The following OXCT1 variants were observed in gnomAD, a reference collection of about 807,000 sequenced individuals.
OXCT1 encodes succinyl-CoA:3-ketoacid coenzyme A transferase 1, mitochondrial.
A neutral mutation model predicts 69.6 loss-of-function variants in OXCT1; 27 were observed. That is an observed-to-expected ratio of 0.39 (90% CI 0.29 to 0.54). OXCT1 has a LOEUF of 0.54. OXCT1 is among the 20% of genes least tolerant of loss of function. OXCT1 has a pLI of 0.72. For missense variants in OXCT1, 437 were observed against 650.2 expected (o/e 0.67, Z 3.57); for synonymous variants, 202 against 217.8 (o/e 0.93, Z 0.64).
chr5:41,831,629 C>T (rs921721187), intron 7 of OXCT1, among the ~76,000 whole-genome samples: 1 of 152,050 alleles, frequency 6.6e-6, no homozygotes, highest in Admixed American at 6.6e-5. Context: ...AGTGAACTTT[C>T]CTTAAACTAT....
chr5:41,772,311 CTT>C (rs1744906450), intron 13 of OXCT1, among the ~76,000 whole-genome samples: 1 of 150,614 alleles, frequency 6.6e-6, no homozygotes, highest in Non-Finnish European at 1.5e-5. Context: ...CACAATTAGA[CTT>C]AATGTAATTA....
chr5:41,745,291 C>T (rs1743414504), intron 15 of OXCT1, among the ~76,000 whole-genome samples: 1 of 152,098 alleles, frequency 6.6e-6, no homozygotes, highest in Non-Finnish European at 1.5e-5. Flanking sequence ...CAACCTGCTC[C>T]TGAATGACTA....
chr5:41,767,114 A>G (rs1039351483), intron 13 of OXCT1, among the ~76,000 whole-genome samples: 30 of 152,218 alleles, frequency 2.0e-4, no homozygotes, highest in African/African-American at 7.2e-4. Context: ...AGATAACATT[A>G]ATTTAAACAT....
At chr5:41,805,361 C>T (rs1297073907) in intron 9 of OXCT1, among the ~76,000 whole-genome samples, 1 of 150,300 alleles carries the variant, frequency 6.7e-6, no homozygotes, top group African/African-American at 2.5e-5. Flanking sequence ...CATTTTGTTT[C>T]AAGAAGGCAA....
intron 7 of OXCT1, among the ~76,000 whole-genome samples, chr5:41,809,621 G>T (rs1009387993): frequency 1.3e-5 from 2 of 151,724 alleles, no homozygotes; most frequent in African/African-American, 4.8e-5. Flanking sequence ...TTACCCTCTA[G>T]CAGGGGCAAA....
At chr5:41,812,897 T>C (rs150219512) in intron 7 of OXCT1, among the ~76,000 whole-genome samples, 67 of 151,908 alleles carry the variant, frequency 4.4e-4, no homozygotes, top group African/African-American at 1.5e-3. Context: ...AAGCGAAAAA[T>C]GGTAGAAGTG....
chr5:41,778,459 G>T (rs973425028), intron 13 of OXCT1, among the ~76,000 whole-genome samples: 16 of 152,168 alleles, frequency 1.1e-4, no homozygotes, highest in African/African-American at 3.9e-4. Flanking sequence ...GTCTGGAGAT[G>T]GAAAACGCAT....
intron 3 of OXCT1, among the ~76,000 whole-genome samples, chr5:41,855,462 A>T (rs972592766): frequency 2.6e-5 from 4 of 152,216 alleles, no homozygotes; most frequent in Non-Finnish European, 5.9e-5. Flanking sequence ...AAATGTAGTG[A>T]TAAGGACCAG....
intron 15 of OXCT1, among the ~76,000 whole-genome samples, chr5:41,741,511 C>A (rs1004493612): frequency 6.6e-6 from 1 of 152,144 alleles, no homozygotes; most frequent in Admixed American, 6.5e-5. Flanking sequence ...ATACTCTGAG[C>A]ACCATCCCTG....
intron 15 of OXCT1, among the ~76,000 whole-genome samples, chr5:41,741,080 A>G (rs568595216): frequency 3.4e-4 from 52 of 151,702 alleles, no homozygotes; most frequent in African/African-American, 1.2e-3. Context: ...CCTCCTGAGT[A>G]GCTGGGATTA....
chr5:41,838,428 A>G (rs1374414105), intron 7 of OXCT1, among the ~76,000 whole-genome samples: 1 of 152,132 alleles, frequency 6.6e-6, no homozygotes, highest in Non-Finnish European at 1.5e-5. Context: ...CAATAATCCT[A>G]TAGTCCAAAG....
At chr5:41,796,788 A>G (rs1746204729) in intron 11 of OXCT1, among the ~76,000 whole-genome samples, 1 of 152,230 alleles carries the variant, frequency 6.6e-6, no homozygotes, top group African/African-American at 2.4e-5. Flanking sequence ...GATAATGCAT[A>G]CAAAGTCCTT....
chr5:41,816,980 T>C (rs552657741), intron 7 of OXCT1, among the ~76,000 whole-genome samples: 1 of 152,278 alleles, frequency 6.6e-6, no homozygotes, highest in African/African-American at 2.4e-5. Context: ...TAGTTGACAA[T>C]AGCCATCATT....
At chr5:41,818,542 T>G (rs1335295749) in intron 7 of OXCT1, among the ~76,000 whole-genome samples, 2 of 152,140 alleles carry the variant, frequency 1.3e-5, no homozygotes, top group African/African-American at 4.8e-5. Flanking sequence ...ACAAGAGAGT[T>G]CACTTTAGCT....
intron 8 of OXCT1, among the ~76,000 whole-genome samples, chr5:41,806,521 C>T (rs2112276106): frequency 6.6e-6 from 1 of 152,146 alleles, no homozygotes; most frequent in Non-Finnish European, 1.5e-5. Context: ...GATGCAGATC[C>T]CTTATGAATT....
intron 7 of OXCT1, among the ~76,000 whole-genome samples, chr5:41,814,121 C>G (rs949896124): frequency 1.4e-5 from 2 of 145,664 alleles, no homozygotes; most frequent in Non-Finnish European, 3.1e-5. Context: ...TATTTTAAAT[C>G]ATCTTTGGGA....
chr5:41,786,989 G>A (rs535489345), intron 13 of OXCT1, among the ~76,000 whole-genome samples: 31 of 152,222 alleles, frequency 2.0e-4, no homozygotes, highest in South Asian at 8.3e-4. Flanking sequence ...AGTAAGGTAC[G>A]GCTGCCCCTT....
At chr5:41,749,082 C>CATT (rs937920554) in intron 15 of OXCT1, among the ~76,000 whole-genome samples, 1 of 152,042 alleles carries the variant, frequency 6.6e-6, no homozygotes, top group African/African-American at 2.4e-5. Flanking sequence ...AAACAGAATA[C>CATT]ATTTCTTGGC....
In OXCT1 at chr5:41,749,555, T is replaced by C. The variant is rs1259996560; in HGVS notation, c.1391A>G (p.Gln464Arg). ...EKCTLPLTGK[Q>R]CVNRIITEKA... Reference sequence around the variant, plus strand: ...TTCAGTAATAATGCGGTTGACACATTGCTTTCCAGTCAATGGTAATGTACA... The same window carrying C: ...TTCAGTAATAATGCGGTTGACACATCGCTTTCCAGTCAATGGTAATGTACA... The change falls in exon 15 of 17, where the codon CAA becomes CGA. Residue 464 changes from glutamine (Q) to arginine (R), a missense_variant. Around this residue, in one of 4 missense-constraint regions of OXCT1, gnomAD observed 102 missense variants for 162.1 expected, o/e 0.63. Transcript: ENST00000196371. 7 of 1,609,044 alleles carry C rather than the reference T, an allele frequency of 4.4e-6. No individual in the cohort carries two copies. The highest frequency in any genetic ancestry group is 6.0e-6 in the Non-Finnish European group (7 of 1,176,296).
Sources: gnomAD v4.1 joint callset for allele counts (sites outside exome capture counted in the v4.1 genomes callset) on GRCh38, gnomAD v4.1.1 for gene constraint, gnomAD v4.1.1 regional missense constraint, MANE v1.5 for transcripts, NCBI Gene and HGNC (gene_info 2026-07-23, HGNC 2026-07-21) for gene names.